AMZ1: variants seen among roughly 807,000 people sequenced by gnomAD.
AMZ1 encodes the protein archaemetzincin-1.
In AMZ1, 39 loss-of-function variants were observed where a neutral mutation model predicts 29.9. That is an observed-to-expected ratio of 1.30 (90% confidence interval 1.01 to 1.70). The LOEUF (loss-of-function observed/expected upper bound fraction) is 1.70. AMZ1 is among the 40% of genes most tolerant of loss of function. The probability of loss-of-function intolerance (pLI) is 0.00; values close to 1 mark genes in which losing one functional copy is unlikely to be tolerated. For missense variants in AMZ1, 1,041 were observed against 680.6 expected (o/e 1.53, Z -5.89); for synonymous variants, 458 against 304.0 (o/e 1.51, Z -5.27).
chr7:2,732,684 C>G (rs934129968), intron 4 of AMZ1, among the ~76,000 whole-genome samples: 1 of 152,206 alleles, frequency 6.6e-6, no homozygotes, highest in African/African-American at 2.4e-5. Context: ...TGACTACCAC[C>G]CACGGGGTGT....
rs1787970318 is a variant in AMZ1, at chr7:2,700,268, G to A, written c.-184G>A. 3.0e-6 allele frequency: 2 copies of A among 674,088 alleles called. No individual in the cohort carries two copies. Among genetic ancestry groups the A allele is most frequent in the South Asian group, 2.0e-5 (1 of 50,354 alleles). The allele number at this position is 674,088 out of a possible 1,614,324, so 41.8% of individuals were successfully genotyped here. A position where few individuals can be genotyped will look rare whatever the true frequency, so the allele number is the denominator to read the frequency against. On this transcript the variant is annotated 5_prime_UTR_variant, in exon 2 of 7. Coordinates refer to ENST00000683327, the MANE Select transcript of AMZ1 (RefSeq NM_001384743.1). Reference sequence around the variant, plus strand: ...GGCCCAGAAGCGCCCATGCCTGAGAGCGTCCAGGACCAGGCAGAGCTGGGC... The same window carrying A: ...GGCCCAGAAGCGCCCATGCCTGAGAACGTCCAGGACCAGGCAGAGCTGGGC...
upstream of AMZ1, chr7:2,760,469 GCCC>G (rs1272322303): frequency 1.3e-5 from 2 of 152,406 alleles, no homozygotes; most frequent in East Asian, 3.8e-4. Context: ...AACCACCCAG[GCCC>G]TTCTGCCTGT....
intron 1 of AMZ1, among the ~76,000 whole-genome samples, chr7:2,691,099 G>T (rs1276325053): frequency 1.5e-5 from 2 of 137,928 alleles, no homozygotes; most frequent in African/African-American, 2.8e-5. Context: ...AGCTGAGATT[G>T]TGCCACTGCA....
At chr7:2,695,250 G>A (rs1318409681) in intron 1 of AMZ1, among the ~76,000 whole-genome samples, 2 of 152,160 alleles carry the variant, frequency 1.3e-5, no homozygotes, top group Non-Finnish European at 2.9e-5. Context: ...CCACCCTGGT[G>A]TGAACCTGCC....
At chr7:2,721,220 G>T (rs1450686607), downstream of AMZ1, among the ~76,000 whole-genome samples, 1 of 152,220 alleles carries the variant, frequency 6.6e-6, no homozygotes, top group Admixed American at 6.5e-5. Flanking sequence ...TGGAGCTCAG[G>T]AGTGGAAGCA....
chr7:2,712,783 G>A lies in AMZ1; in HGVS notation c.1402G>A (p.Gly468Arg), dbSNP rs373301330. ...CAGCGTGGGGCTGCGCAAGGTGCTG[G>A]GGGACAAGTTCTCCTCCCTGAGGAG... ...RDSVGLRKVLGDKFSSLRRKL... is the reference protein window; with the variant it reads ...RDSVGLRKVLRDKFSSLRRKL... Residue 468 changes from glycine (G) to arginine (R), a missense_variant, in exon 7 of 7, where the codon GGG (glycine) becomes AGG (arginine). Transcript: ENST00000683327. 3.2e-6 allele frequency: 5 copies of A among 1,574,904 alleles called. No homozygotes were observed. Among genetic ancestry groups the A allele is most frequent in the South Asian group, 1.2e-5 (1 of 85,392 alleles).
chr7:2,695,366 G>A (rs1787649861), intron 1 of AMZ1, among the ~76,000 whole-genome samples: 1 of 152,104 alleles, frequency 6.6e-6, no homozygotes, highest in African/African-American at 2.4e-5. Context: ...GAACCCACGT[G>A]GTCCCAGCAA....
chr7:2,740,741 G>A (rs928308769), intron 4 of AMZ1, among the ~76,000 whole-genome samples: 1 of 152,102 alleles, frequency 6.6e-6, no homozygotes, highest in Non-Finnish European at 1.5e-5. Context: ...TATAGATTCA[G>A]CCCTTAAAAC....
rs1787989854 is a variant in AMZ1 at position 2,700,549 on chromosome 7, T to C, written c.98T>C (p.Val33Ala). 6.2e-7 allele frequency: 1 copy of C among 1,609,552 alleles called. No individual in the cohort carries two copies. The highest frequency in any genetic ancestry group is 8.5e-7 in the Non-Finnish European group (1 of 1,179,924). Residue 33 changes from valine to alanine, a missense_variant, in exon 2 of 7, where the codon GTG becomes GCG. Transcript: ENST00000683327. ...STDAALQQLY[V>A]SAFSPAERLF... ...GACGCAGCCCTGCAGCAGCTGTATGTGTCCGCCTTCTCCCCTGCCGAGCGG... is the reference window on the plus strand; with the variant it reads ...GACGCAGCCCTGCAGCAGCTGTATGCGTCCGCCTTCTCCCCTGCCGAGCGG...
chr7:2,737,274 GTTTTTTTTTT>G (rs1041056812), intron 4 of AMZ1, among the ~76,000 whole-genome samples: 2 of 35,032 alleles, frequency 5.7e-5, no homozygotes, highest in African/African-American at 2.0e-4. Flanking sequence ...GTTTTGTTTT[GTTTTTTTTTT>G]TTTTGTTTTT....
downstream of AMZ1, among the ~76,000 whole-genome samples, chr7:2,721,653 T>C (rs1384495335): frequency 2.7e-5 from 4 of 150,568 alleles, no homozygotes; most frequent in Non-Finnish European, 5.9e-5. Context: ...GAGGTGGAGG[T>C]TGCAGTGAGC....
chr7:2,733,633 AG>A (rs1790012998), intron 4 of AMZ1: 2 of 700,758 alleles, frequency 2.9e-6, no homozygotes, highest in Non-Finnish European at 5.2e-6. Context: ...GGAAAAAGGC[AG>A]AGAGTGTCCG....
Position 2,700,567 on chromosome 7 carries a change from C to A in AMZ1, c.116C>A (p.Ala39Asp). The A allele has an allele frequency of 1.2e-6, 2 of 1,610,000 alleles. No individual in the cohort carries two copies. The highest frequency in any genetic ancestry group is 1.7e-6 in the Non-Finnish European group (2 of 1,179,962). Residue 39 changes from alanine (A) to aspartate (D), a missense_variant, in exon 2 of 7, where the codon GCC becomes GAC. By Grantham distance (126) the Ala-to-Asp change is moderately radical. Transcript: ENST00000683327. ...QQLYVSAFSP[A>D]ERLFLAEAYN... is the part of the protein sequence containing the mutation. The stretch of plus-strand genomic sequence containing the variant: ...CTGTATGTGTCCGCCTTCTCCCCTG[C>A]CGAGCGGCTCTTCCTGGCCGAGGCC...
intron 1 of AMZ1, among the ~76,000 whole-genome samples, chr7:2,692,129 G>C (rs987236797): frequency 6.6e-6 from 1 of 152,192 alleles, no homozygotes; most frequent in Admixed American, 6.5e-5. Flanking sequence ...CTCCTGTGGC[G>C]TCGGGTGCTC....
intron 1 of AMZ1, among the ~76,000 whole-genome samples, chr7:2,689,375 G>GGGGC (rs1433453540): frequency 1.3e-5 from 2 of 152,116 alleles, no homozygotes; most frequent in Admixed American, 6.5e-5. Context: ...CTCCCTGGGG[G>GGGGC]GGGGATGCGG....
intron 4 of AMZ1, among the ~76,000 whole-genome samples, chr7:2,743,679 G>C (rs1790620351): frequency 6.6e-6 from 1 of 152,188 alleles, no homozygotes; most frequent in Non-Finnish European, 1.5e-5. Flanking sequence ...GGGTGTGCCA[G>C]ACAGTGGGCG....
At chr7:2,757,946 A>G (rs540316984) in intron 4 of AMZ1, among the ~76,000 whole-genome samples, 13 of 152,330 alleles carry the variant, frequency 8.5e-5, no homozygotes, top group East Asian at 1.9e-4. Flanking sequence ...AGCAATAATA[A>G]GGAATGATTC....
chr7:2,706,708 C>T (rs556537225), intron 3 of AMZ1, among the ~76,000 whole-genome samples: 2 of 152,354 alleles, frequency 1.3e-5, no homozygotes, highest in African/African-American at 4.8e-5. Flanking sequence ...TTCATGACCT[C>T]ATCTTAACTG....
rs1363327777 is a variant in AMZ1 at position 2,700,426 on chromosome 7, GA to G, written c.-25del. ...CATGGACAGCAGCAGGGGCTCCCAG[GA>G]GTGGCCAGGCCCTGCCCGCCCACCA... On this transcript the variant is annotated 5_prime_UTR_variant, in exon 2 of 7. Transcript: ENST00000683327. The G allele has an allele frequency of 6.3e-7, 1 of 1,585,008 alleles. No individual in the cohort carries two copies. The highest frequency in any genetic ancestry group is 8.5e-7 in the Non-Finnish European group (1 of 1,171,066).
Sources: allele counts gnomAD v4.1 joint callset (sites outside exome capture counted in the v4.1 genomes callset), GRCh38; gene constraint gnomAD v4.1.1; transcripts MANE v1.5; gene names NCBI Gene and HGNC (gene_info 2026-07-23, HGNC 2026-07-21).